Variants in LRMDA observed in about 807,000 individuals in gnomAD.
LRMDA encodes leucine-rich melanocyte differentiation-associated protein.
In LRMDA, 18 loss-of-function variants were observed where a neutral mutation model predicts 29.8. The ratio of observed to expected loss-of-function variants is 0.60; its 90% CI spans 0.42 to 0.90. The LOEUF is 0.90. LRMDA is among the 40% of genes least tolerant of loss of function. The probability of loss-of-function intolerance (pLI) is 0.00; values close to 1 mark genes in which losing one functional copy is unlikely to be tolerated. For missense variants in LRMDA, 273 were observed against 273.9 expected (o/e 1.00, Z 0.02); for synonymous variants, 125 against 109.4 (o/e 1.14, Z -0.89).
At chr10:76,233,056 C>T (rs1052393703) in intron 5 of LRMDA, among the ~76,000 whole-genome samples, 1 of 152,150 alleles carries the variant, frequency 6.6e-6, no homozygotes, top group Non-Finnish European at 1.5e-5. Context: ...CAGTCTGGTC[C>T]AAGAATTTAA....
intron 2 of LRMDA, among the ~76,000 whole-genome samples, chr10:75,765,316 A>G (rs926587718): frequency 2.0e-5 from 3 of 151,696 alleles, no homozygotes; most frequent in African/African-American, 7.3e-5. Flanking sequence ...TTTTGTGTGG[A>G]GTTAACTGAG....
At chr10:75,803,723 A>G (rs1263124849) in intron 2 of LRMDA, among the ~76,000 whole-genome samples, 1 of 152,236 alleles carries the variant, frequency 6.6e-6, no homozygotes, top group Non-Finnish European at 1.5e-5. Context: ...TAATACTTGC[A>G]TTGATTGTGA....
At chr10:75,903,745 CAG>C (rs1247552674) in intron 2 of LRMDA, among the ~76,000 whole-genome samples, 2 of 152,186 alleles carry the variant, frequency 1.3e-5, no homozygotes, top group Non-Finnish European at 2.9e-5. Flanking sequence ...AAGCTTTTAA[CAG>C]AGCTCCCGTT....
intron 2 of LRMDA, among the ~76,000 whole-genome samples, chr10:75,657,248 C>A (rs1459023157): frequency 2.6e-5 from 4 of 152,190 alleles, no homozygotes; most frequent in Admixed American, 2.0e-4. Flanking sequence ...TAGCACTGAG[C>A]TGGGTGAAAT....
intron 6 of LRMDA, among the ~76,000 whole-genome samples, chr10:76,391,004 G>T (rs542835424): frequency 6.6e-6 from 1 of 152,162 alleles, no homozygotes; most frequent in Non-Finnish European, 1.5e-5. Flanking sequence ...TAGAACCCAA[G>T]AACTTACCAT....
chr10:76,474,536 T>C (rs1039156855), intron 6 of LRMDA, among the ~76,000 whole-genome samples: 13 of 151,534 alleles, frequency 8.6e-5, no homozygotes, highest in African/African-American at 3.1e-4. Context: ...AAAAAGTCAA[T>C]TATTATCTCA....
intron 6 of LRMDA, among the ~76,000 whole-genome samples, chr10:76,421,127 A>T (rs1268429962): frequency 6.6e-6 from 1 of 152,166 alleles, no homozygotes; most frequent in Non-Finnish European, 1.5e-5. Context: ...GAAGTATGCT[A>T]AAACCTCCCA....
intron 2 of LRMDA, among the ~76,000 whole-genome samples, chr10:75,625,972 C>G (rs531224411): frequency 6.6e-6 from 1 of 152,070 alleles, no homozygotes; most frequent in East Asian, 1.9e-4. Context: ...CTGCCTCAGC[C>G]CCTTGAGTAG....
chr10:76,273,592 T>G (rs1305483642), intron 5 of LRMDA, among the ~76,000 whole-genome samples: 1 of 152,182 alleles, frequency 6.6e-6, no homozygotes, highest in African/African-American at 2.4e-5. Flanking sequence ...CCAGTATGTG[T>G]GACAGGGTTC....
At chr10:75,730,365 C>G (rs892660452) in intron 2 of LRMDA, among the ~76,000 whole-genome samples, 1 of 152,154 alleles carries the variant, frequency 6.6e-6, no homozygotes, top group Non-Finnish European at 1.5e-5. Flanking sequence ...CACGACCCCA[C>G]CATTCACCTC....
intron 2 of LRMDA, among the ~76,000 whole-genome samples, chr10:75,760,310 GC>G (rs1413602891): frequency 1.3e-5 from 2 of 152,166 alleles, no homozygotes; most frequent in East Asian, 3.9e-4. Flanking sequence ...GTAATGAAAA[GC>G]CCAGATGACA....
intron 2 of LRMDA, among the ~76,000 whole-genome samples, chr10:75,668,886 T>C (rs1028460335): frequency 1.3e-5 from 2 of 152,212 alleles, no homozygotes; most frequent in Non-Finnish European, 2.9e-5. Flanking sequence ...GTATCTACTG[T>C]GTGCTGGACA....
chr10:76,379,108 C>T (rs981698743), intron 6 of LRMDA, among the ~76,000 whole-genome samples: 2 of 151,786 alleles, frequency 1.3e-5, no homozygotes, highest in Admixed American at 6.6e-5. Context: ...CCACCCACCT[C>T]GGCCTCCCAA....
At chr10:76,244,226 C>T (rs980579535) in intron 5 of LRMDA, among the ~76,000 whole-genome samples, 4 of 152,180 alleles carry the variant, frequency 2.6e-5, no homozygotes, top group East Asian at 1.9e-4. Context: ...CTCTCAGTAT[C>T]GTGAGGACCG....
intron 5 of LRMDA, among the ~76,000 whole-genome samples, chr10:76,245,988 A>G (rs1852368582): frequency 6.6e-6 from 1 of 152,234 alleles, no homozygotes; most frequent in African/African-American, 2.4e-5. Flanking sequence ...ATTACACGGT[A>G]TATGCCACAT....
chr10:76,517,466 A>C (rs1280399318), intron 6 of LRMDA, among the ~76,000 whole-genome samples: 1 of 152,152 alleles, frequency 6.6e-6, no homozygotes, highest in Non-Finnish European at 1.5e-5. Context: ...GAGAAAAATA[A>C]ATATCAGCTT....
intron 2 of LRMDA, among the ~76,000 whole-genome samples, chr10:76,002,961 A>G (rs1847586157): frequency 6.6e-6 from 1 of 152,110 alleles, no homozygotes; most frequent in African/African-American, 2.4e-5. Context: ...TCTGCAGTTT[A>G]TTTATTTATT....
At chr10:75,539,960 G>A (rs969462930) in intron 2 of LRMDA, among the ~76,000 whole-genome samples, 1 of 152,100 alleles carries the variant, frequency 6.6e-6, no homozygotes, top group Non-Finnish European at 1.5e-5. Context: ...AGGGGTTAAA[G>A]GTTATTAACA....
At chr10:76,007,332 A>C (rs17436819) in intron 2 of LRMDA, among the ~76,000 whole-genome samples, 2 of 151,356 alleles carry the variant, frequency 1.3e-5, no homozygotes, top group Non-Finnish European at 2.9e-5. Context: ...AGGGAAGCAG[A>C]CATCCTTTAG....
Sources: gnomAD v4.1 joint callset for allele counts (sites outside exome capture counted in the v4.1 genomes callset) on GRCh38, gnomAD v4.1.1 for gene constraint, MANE v1.5 for transcripts, NCBI Gene and HGNC (gene_info 2026-07-23, HGNC 2026-07-21) for gene names.